TAF15: variants seen among roughly 807,000 people sequenced by gnomAD.
The protein encoded by TAF15 is TATA-box binding protein associated factor 15.
A neutral mutation model predicts 102.5 loss-of-function variants in TAF15; 37 were observed. The observed-to-expected ratio is 0.36, with a 90% CI of 0.28 to 0.47. The LOEUF is 0.47. TAF15 is among the 20% of genes least tolerant of loss of function. The pLI is 0.99. For synonymous variants in TAF15, 273 were observed against 259.2 expected (o/e 1.05, Z -0.51); for missense variants, 652 against 760.7 (o/e 0.86, Z 1.68).
chr17:35,843,981 G>A, intron 12 of TAF15, 96 bp from the exon 13 acceptor site: 1 of 1,060,510 alleles, frequency 9.4e-7, no homozygotes, highest in South Asian at 1.2e-5. Flanking sequence ...TGCTGCCTAA[G>A]TATTGATGGG....
At chr17:35,836,010 GTCCTT>G in intron 9 of TAF15, 117 bp from the exon 10 acceptor site, 1 of 696,210 alleles carries the variant, frequency 1.4e-6, no homozygotes, top group Non-Finnish European at 2.5e-6. Flanking sequence ...TCTTATATTG[GTCCTT>G]TCCTTTTGGT....
At position 35,820,202 on chromosome 17, in the gene TAF15, T is replaced by C; in HGVS notation, c.138T>C (p.Tyr46=). The change falls in exon 4 of 16, where the codon TAT becomes TAC. Residue 46 remains tyrosine (Y), a synonymous_variant. Transcript: ENST00000605844. ...SGYGQTTDSS[Y]GQNYSGYSSY... ...ATGGGCAAACGACTGATTCCTCTTA[T>C]GGACAGAACTACAGCGGTTACTCCA... The C allele has an allele frequency of 3.1e-6, 5 of 1,614,136 alleles. No individual in the cohort carries two copies. The highest frequency in any genetic ancestry group is 4.2e-6 in the Non-Finnish European group (5 of 1,179,956).
At chr17:35,831,704 A>C (rs532310979) in intron 7 of TAF15, among the ~76,000 whole-genome samples, 1 of 152,266 alleles carries the variant, frequency 6.6e-6, no homozygotes, top group South Asian at 2.1e-4. Flanking sequence ...TTCCCATTTT[A>C]AAAGTCATCT....
intron 1 of TAF15, among the ~76,000 whole-genome samples, chr17:35,814,291 G>A (rs958091073): frequency 9.9e-5 from 15 of 151,620 alleles, no homozygotes; most frequent in Non-Finnish European, 1.6e-4. Flanking sequence ...TCAGCCTCCC[G>A]AGTAACTGGG....
chr17:35,816,160 T>C (rs182109347), intron 1 of TAF15, among the ~76,000 whole-genome samples: 4 of 152,294 alleles, frequency 2.6e-5, no homozygotes, highest in Admixed American at 6.5e-5. Flanking sequence ...AAACAAAATC[T>C]TGTTCGGTCT....
chr17:35,813,589 T>C (rs908671326), intron 1 of TAF15, among the ~76,000 whole-genome samples: 2 of 151,494 alleles, frequency 1.3e-5, no homozygotes, highest in African/African-American at 2.4e-5. Context: ...TGAGCTGTGA[T>C]TGTCCTACAG....
At chr17:35,831,324 G>A (rs1389406333) in intron 7 of TAF15, among the ~76,000 whole-genome samples, 3 of 151,426 alleles carry the variant, frequency 2.0e-5, no homozygotes, top group Non-Finnish European at 2.9e-5. Flanking sequence ...GGAGAATGGC[G>A]GGAACCCAGG....
chr17:35,837,756 G>A (rs2087494123), intron 10 of TAF15, among the ~76,000 whole-genome samples: 1 of 151,684 alleles, frequency 6.6e-6, no homozygotes, highest in Admixed American at 6.6e-5. Flanking sequence ...GAACCTGGGA[G>A]GTGAAGGTTG....
chr17:35,816,543 A>C (rs1320337242), intron 1 of TAF15, among the ~76,000 whole-genome samples: 1 of 152,232 alleles, frequency 6.6e-6, no homozygotes, highest in East Asian at 1.9e-4. Flanking sequence ...CTATTTGACA[A>C]CAGTGATTTT....
At chr17:35,846,512 A>C (rs563984913) in intron 15 of TAF15, among the ~76,000 whole-genome samples, 1 of 152,312 alleles carries the variant, frequency 6.6e-6, no homozygotes, top group African/African-American at 2.4e-5. Flanking sequence ...TTACAGAGTC[A>C]GTCATTTAGT....
rs74398279 is a variant in TAF15, at chr17:35,817,514, A to G, written c.8-202A>G. Among the ~76,000 whole-genome samples, 1,308 of 152,334 alleles carry G rather than the reference A, an allele frequency of 8.6e-3. 26 individuals carry two copies. The highest frequency in any genetic ancestry group is 0.03 in the African/African-American group (1,227 of 41,568). ...TGTGACCCTAGCACACATGTAGAAT[A>G]GTAGTTTGCAAATACGTAGTTATTG... On this transcript the variant is annotated intron_variant, in intron 1 of 15. Transcript: ENST00000605844.
chr17:35,819,059 A>G (rs1186397517), intron 2 of TAF15, among the ~76,000 whole-genome samples: 1 of 152,106 alleles, frequency 6.6e-6, no homozygotes, highest in Non-Finnish European at 1.5e-5. Flanking sequence ...TATAGGATAA[A>G]TGTTTTACAG....
chr17:35,837,411 TC>T (rs747874942), intron 10 of TAF15, among the ~76,000 whole-genome samples: 6 of 152,108 alleles, frequency 3.9e-5, no homozygotes, highest in South Asian at 4.2e-4. Context: ...CACCTCAGCC[TC>T]CCACCAAGTG....
At chr17:35,818,103 CTTTTTT>C (rs35135101) in intron 2 of TAF15, among the ~76,000 whole-genome samples, 1 of 149,004 alleles carries the variant, frequency 6.7e-6, no homozygotes, top group Non-Finnish European at 1.5e-5. Context: ...TCTTCCTTTT[CTTTTTT>C]TTTTGAGACT....
intron 1 of TAF15, among the ~76,000 whole-genome samples, chr17:35,815,051 T>C (rs1312693053): frequency 6.6e-6 from 1 of 152,308 alleles, no homozygotes; most frequent in African/African-American, 2.4e-5. Context: ...CATAATGTTA[T>C]AGACTGATAG....
At chr17:35,829,652 A>AAAAAAG (rs2087377202) in intron 7 of TAF15, among the ~76,000 whole-genome samples, 1 of 146,412 alleles carries the variant, frequency 6.8e-6, no homozygotes, top group Non-Finnish European at 1.5e-5. Context: ...AAAAAAAAAA[A>AAAAAAG]AAAAGAGAGA....
chr17:35,841,543 C>T (rs2087545150), intron 11 of TAF15, among the ~76,000 whole-genome samples: 1 of 151,672 alleles, frequency 6.6e-6, no homozygotes, highest in Non-Finnish European at 1.5e-5. Context: ...GTAGCTAGGA[C>T]CACAGGTGCC....
chr17:35,817,313 G>GT, intron 1 of TAF15: 2 of 207,492 alleles, frequency 9.6e-6, no homozygotes, highest in Non-Finnish European at 2.0e-5. Flanking sequence ...GTATATCTTG[G>GT]GGTGGTAAGG....
chr17:35,812,193 A>G (rs900136233), intron 1 of TAF15, among the ~76,000 whole-genome samples: 4 of 152,204 alleles, frequency 2.6e-5, no homozygotes, highest in African/African-American at 9.7e-5. Flanking sequence ...CCTTAGTACC[A>G]ACATAAGAGA....
Sources: allele counts gnomAD v4.1 joint callset (sites outside exome capture counted in the v4.1 genomes callset), GRCh38; gene constraint gnomAD v4.1.1; transcripts MANE v1.5; gene names NCBI Gene and HGNC (gene_info 2026-07-23, HGNC 2026-07-21).